The following KIF1B variants were observed in gnomAD, a reference collection of about 807,000 sequenced individuals.
The protein encoded by KIF1B is kinesin-like protein KIF1B.
In KIF1B, 76 loss-of-function variants were observed where a neutral mutation model predicts 241.9. The ratio of observed to expected loss-of-function variants is 0.31; its 90% CI spans 0.26 to 0.38. KIF1B has a LOEUF of 0.38. KIF1B is among the 10% of genes least tolerant of loss of function. The pLI, the probability that KIF1B is intolerant of heterozygous loss-of-function variation, is 1.00. For missense variants in KIF1B, 1,622 were observed against 2,271.4 expected (o/e 0.71, Z 5.81); for synonymous variants, 750 against 796.7 (o/e 0.94, Z 0.99).
At chr1:10,228,376 A>G (rs1646937266) in intron 1 of KIF1B, among the ~76,000 whole-genome samples, 1 of 151,972 alleles carries the variant, frequency 6.6e-6, no homozygotes, top group South Asian at 2.1e-4. Context: ...AAAAAAAAGT[A>G]TCGTAAGCTT....
intron 37 of KIF1B, 95 bp downstream of exon 37, chr1:10,348,828 T>A: frequency 2.3e-6 from 2 of 879,786 alleles, no homozygotes; most frequent in Non-Finnish European, 3.7e-6. Context: ...CAGGCTGGAG[T>A]ACAGTGATGA....
chr1:10,210,704 A>C lies in KIF1B; in HGVS notation c.-254A>C. On this transcript the variant is annotated 5_prime_UTR_variant, in exon 1 of 49. Transcript: ENST00000676179. This position sits in a 1 kb window ranked among gnomAD's most constrained non-coding sequence, Gnocchi z 4.1. ...CACTCCTGTCCGCCGCCCACCGCCC[A>C]CCTCCCACCTCGATGCGGTGCCGGG... 6.6e-6 allele frequency: 1 copy of C among 150,976 alleles called. No homozygotes were observed. Among genetic ancestry groups the C allele is most frequent in the East Asian group, 1.9e-4 (1 of 5,168 alleles). The allele number at this position is 150,976 out of a possible 1,614,324, so 9.4% of individuals were successfully genotyped here.
chr1:10,217,926 G>A (rs1335177092), intron 1 of KIF1B, among the ~76,000 whole-genome samples: 2 of 151,944 alleles, frequency 1.3e-5, no homozygotes, highest in Admixed American at 6.6e-5. Context: ...TTTTGTTCAC[G>A]GATTATTTTT....
chr1:10,304,207 G>A lies in KIF1B; in HGVS notation c.2115+6961G>A. ...GAATAAAGAAGAGAGCCAAGAAAAA[G>A]GGGGTAAAGGAGCTTTTAAGGATCC... On this transcript the variant is annotated intron_variant, in intron 22 of 48. Coordinates refer to ENST00000676179, the MANE Select transcript of KIF1B (RefSeq NM_001365951.3). 2.5e-6 allele frequency: 4 copies of A among 1,614,182 alleles called. No individual in the cohort carries two copies. The highest frequency in any genetic ancestry group is 3.4e-6 in the Non-Finnish European group (4 of 1,180,028).
At position 10,375,386 on chromosome 1, in the gene KIF1B, G is replaced by T. The variant is rs1638854124; in HGVS notation, c.5408+13G>T. 2 of 1,542,416 alleles carry T rather than the reference G, an allele frequency of 1.3e-6. No individual in the cohort carries two copies. Among genetic ancestry groups the T allele is most frequent in the Non-Finnish European group, 1.8e-6 (2 of 1,117,306 alleles). Reference sequence around the variant, plus strand: ...CTGGCACAATACGGTAAGAAGTTTTGTTGTTGTTGTTGTTGTTTTTGAGAC... The same window carrying T: ...CTGGCACAATACGGTAAGAAGTTTTTTTGTTGTTGTTGTTGTTTTTGAGAC... On this transcript the variant is annotated intron_variant, in intron 48 of 48. Coordinates refer to ENST00000676179, the MANE Select transcript of KIF1B (RefSeq NM_001365951.3).
chr1:10,256,857 G>A (rs147831053), intron 3 of KIF1B, among the ~76,000 whole-genome samples: 7,979 of 151,928 alleles, frequency 0.053, 332 homozygotes, highest in Middle Eastern at 0.12. Flanking sequence ...GATTACAGGC[G>A]CGTGGCACTA....
intron 37 of KIF1B, among the ~76,000 whole-genome samples, chr1:10,351,347 A>G (rs1652787145): frequency 6.6e-6 from 1 of 152,150 alleles, no homozygotes; most frequent in African/African-American, 2.4e-5. Context: ...GAAGGATCCT[A>G]TGATATATTT....
rs1190697615 is a variant in KIF1B at position 10,278,961 on chromosome 1, T to G, written c.1181-136T>G. 3.7e-5 allele frequency: 20 copies of G among 538,544 alleles called. No individual in the cohort carries two copies. In the East Asian group the frequency reaches 5.8e-4, roughly 15 times the overall value. 33.4% of individuals were successfully genotyped at this position (538,544 alleles called of 1,614,324 possible). On this transcript the variant is annotated intron_variant, in intron 13 of 48. Transcript: ENST00000676179. ...AGTCCGAGTTTAGATGAATACCGTT[T>G]GTAAAAATGATACCGTATTCTAAGT... is the stretch of plus-strand genomic sequence containing the variant.
At chr1:10,271,659 A>G in intron 8 of KIF1B, 80 bp downstream of exon 8, 1 of 945,684 alleles carries the variant, frequency 1.1e-6, no homozygotes, top group South Asian at 1.3e-5. Context: ...ATTGAAACAC[A>G]GCTACATACA....
chr1:10,305,958 C>A, intron 22 of KIF1B: 20 of 1,053,508 alleles, frequency 1.9e-5, no homozygotes, highest in Non-Finnish European at 2.3e-5. Flanking sequence ...AAACACTTGT[C>A]TTCCAAACGG....
Position 10,342,130 on chromosome 1 carries a change from G to A in KIF1B, c.3594G>A (p.Gln1198=). ...TATTTGAAGTCTTTGGGCATTATCA[G>A]CAGCACCCACTTCATCTGCAAGGAC... ...PIVFEVFGHY[Q]QHPLHLQGQE... is the part of the protein sequence containing the mutation. The change falls in exon 33 of 49, where the codon CAG becomes CAA. Residue 1198 remains glutamine (Q), a synonymous_variant. Coordinates refer to ENST00000676179, the MANE Select transcript of KIF1B (RefSeq NM_001365951.3). 1 of 1,613,304 alleles carries A rather than the reference G, an allele frequency of 6.2e-7. No individual in the cohort carries two copies. Among genetic ancestry groups the A allele is most frequent in the South Asian group, 1.1e-5 (1 of 91,072 alleles).
In KIF1B at chr1:10,273,424, C is replaced by T. The variant is rs116061048; in HGVS notation, c.882+393C>T. Among the ~76,000 whole-genome samples, 328 of 152,052 alleles carry T rather than the reference C, an allele frequency of 2.2e-3. 2 individuals carry two copies. The highest frequency in any genetic ancestry group is 7.6e-3 in the African/African-American group (315 of 41,466). ...CAAAAATTAGCTGGGTGTGGTAGCG[C>T]GTGCCCATAGTGTCCCAACTATTCA... is the stretch of plus-strand genomic sequence containing the variant. On this transcript the variant is annotated intron_variant, in intron 10 of 48. Coordinates refer to ENST00000676179, the MANE Select transcript of KIF1B (RefSeq NM_001365951.3).
At position 10,334,404 on chromosome 1, in the gene KIF1B, T is replaced by G; in HGVS notation, c.2925-116T>G. 5 of 858,286 alleles carry G rather than the reference T, an allele frequency of 5.8e-6. No homozygotes were observed. In the South Asian group the frequency reaches 6.6e-5, roughly 11 times the overall value. The allele number at this position is 858,286 out of a possible 1,614,324, so 53.2% of individuals were successfully genotyped here. On this transcript the variant is annotated intron_variant, in intron 27 of 48. Coordinates refer to ENST00000676179, the MANE Select transcript of KIF1B (RefSeq NM_001365951.3). ...GAGAGGCTAGGACTGAGAAGGGGTC[T>G]TAAGACAAGGCCAGAAGTCAGCTCA... is the stretch of plus-strand genomic sequence containing the variant.
At position 10,361,000 on chromosome 1, in the gene KIF1B, C is replaced by A. The variant is rs1194525429; in HGVS notation, c.4127C>A (p.Pro1376His). 1 of 1,613,934 alleles carries A rather than the reference C, an allele frequency of 6.2e-7. No individual in the cohort carries two copies. Among genetic ancestry groups the A allele is most frequent in the African/African-American group, 1.3e-5 (1 of 74,890 alleles). ...HNSLLLNRVT[P>H]YGEKIYMTLS... is the part of the protein sequence containing the mutation. ...TCCCTTCTTCTGAACCGAGTGACAC[C>A]CTATGGAGAAAAGATCTACATGACC... The change falls in exon 39 of 49, where the codon CCC becomes CAC. Residue 1376 changes from proline to histidine, a missense_variant. Physicochemically the swap from Pro to His is moderately conservative, Grantham distance 77. Coordinates refer to ENST00000676179, the MANE Select transcript of KIF1B (RefSeq NM_001365951.3).
rs1652212772 is a variant in KIF1B, at chr1:10,337,199, C to G, written c.3255C>G (p.Asp1085Glu). The stretch of plus-strand genomic sequence containing the variant: ...CAGAAGAAATCAGTCGAATTAATGA[C>G]TTGGGTATGTAGACATAGTTTACTG... ...TPPEEISRIN[D>E]LDLKSSTLLD... The change falls in exon 30 of 49, where the codon GAC (aspartate) becomes GAG (glutamate). Residue 1085 changes from aspartate (D) to glutamate (E), a missense_variant. Physicochemically the swap from Asp to Glu is conservative, Grantham distance 45. Coordinates refer to ENST00000676179, the MANE Select transcript of KIF1B (RefSeq NM_001365951.3). The surrounding 1 kb of genome is among the most constrained non-coding windows in gnomAD (Gnocchi z 4.0). 1 of 1,614,110 alleles carries G rather than the reference C, an allele frequency of 6.2e-7. No homozygotes were observed. The highest frequency in any genetic ancestry group is 1.3e-5 in the African/African-American group (1 of 75,014).
chr1:10,345,943 C>A lies in KIF1B; in HGVS notation c.3787C>A (p.Pro1263Thr). 6.2e-7 allele frequency: 1 copy of A among 1,603,368 alleles called. No homozygotes were observed. Among genetic ancestry groups the A allele is most frequent in the Non-Finnish European group, 8.5e-7 (1 of 1,170,236 alleles). The change falls in exon 35 of 49, where the codon CCT (proline) becomes ACT (threonine). Residue 1263 changes from proline to threonine, a missense_variant. By Grantham distance (38) the Pro-to-Thr change is conservative. This residue lies in a region of KIF1B where 803 missense variants were observed against 1,112.0 expected (regional missense o/e 0.72). Coordinates refer to ENST00000676179, the MANE Select transcript of KIF1B (RefSeq NM_001365951.3). ...TTGGTTTGAGATCAGTGAACTGGAG[C>A]CTACAGGAGAGTAAGTCCAACTTAA... ...LVWFEISELE[P>T]TGEYIPAVVD...
chr1:10,267,354 A>G (rs1569634853), intron 5 of KIF1B, 26 bp from the exon 6 acceptor site: 1 of 1,607,946 alleles, frequency 6.2e-7, no homozygotes, highest in Non-Finnish European at 8.5e-7. Flanking sequence ...TTTTCACTCT[A>G]ATTCACTTTA....
intron 6 of KIF1B, 101 bp from the exon 7 acceptor site, chr1:10,268,051 T>G (rs760560015): frequency 3.8e-6 from 3 of 787,774 alleles, no homozygotes; most frequent in Non-Finnish European, 6.7e-6. Context: ...AGTTTAAGAC[T>G]ATTGCTTGTG....
chr1:10,282,213 C>A, intron 14 of KIF1B, 109 bp from the exon 15 acceptor site: 3 of 874,428 alleles, frequency 3.4e-6, no homozygotes, highest in Non-Finnish European at 5.4e-6. Context: ...GGTCTTGGCG[C>A]TTTAATGCTG....
Sources: allele counts gnomAD v4.1 joint callset (sites outside exome capture counted in the v4.1 genomes callset), GRCh38; gene constraint gnomAD v4.1.1; regional missense constraint gnomAD v4.1.1; non-coding constraint Gnocchi (gnomAD v3.1); transcripts MANE v1.5; gene names NCBI Gene and HGNC (gene_info 2026-07-23, HGNC 2026-07-21).